The following VIT variants were observed in gnomAD, a reference collection of about 807,000 sequenced individuals.
VIT encodes the protein vitrin.
VIT carries 99 observed loss-of-function variants against 78.0 expected under a neutral mutation model. The ratio of observed to expected loss-of-function variants is 1.27; its 90% CI spans 1.08 to 1.50. VIT has a LOEUF of 1.50. Ranked by LOEUF, VIT falls within the 40% of genes most tolerant of loss-of-function variation. The pLI, the probability that VIT is intolerant of heterozygous loss-of-function variation, is 0.00. For missense variants in VIT, 1,126 were observed against 875.3 expected, an observed-to-expected ratio of 1.29 and a Z score of -3.61; for synonymous variants, 374 against 334.3, an observed-to-expected ratio of 1.12 and a Z score of -1.29.
chr2:36,736,863 C>G (rs1296778394), intron 3 of VIT, among the ~76,000 whole-genome samples: 2 of 152,058 alleles, frequency 1.3e-5, no homozygotes, highest in Admixed American at 1.3e-4. Flanking sequence ...CATTTAATAC[C>G]CTGAAAAACC....
chr2:36,775,207 G>A lies in VIT; in HGVS notation c.802+140G>A, dbSNP rs1221388220. ...TCACCAGAGTTTGGGAGCATGCTAA[G>A]ATATTTTAACCTCGAGAAAATGTCT... is the stretch of plus-strand genomic sequence containing the variant. On this transcript the variant is annotated intron_variant, in intron 9 of 15. Transcript: ENST00000379242. 8.6e-6 allele frequency: 8 copies of A among 929,654 alleles called. No homozygotes were observed. The East Asian group carries it at 1.6e-4, about 18-fold the overall frequency. 57.6% of individuals were successfully genotyped at this position (929,654 alleles called of 1,614,324 possible). A position where few individuals can be genotyped will look rare whatever the true frequency, so the allele number is the denominator to read the frequency against.
At chr2:36,765,144 C>G (rs576727305) in intron 6 of VIT, among the ~76,000 whole-genome samples, 2 of 152,058 alleles carry the variant, frequency 1.3e-5, no homozygotes, top group Admixed American at 6.6e-5. Context: ...GAGATCGTGA[C>G]GGGGCGGTTA....
At chr2:36,726,483 A>C (rs1439165118) in intron 2 of VIT, among the ~76,000 whole-genome samples, 1 of 152,236 alleles carries the variant, frequency 6.6e-6, no homozygotes, top group Non-Finnish European at 1.5e-5. Context: ...TTTTCTACAA[A>C]GAACATGATT....
At chr2:36,726,127 A>C (rs950691050) in intron 2 of VIT, among the ~76,000 whole-genome samples, 1 of 152,120 alleles carries the variant, frequency 6.6e-6, no homozygotes, top group Non-Finnish European at 1.5e-5. Flanking sequence ...ATTTTAAGTG[A>C]GCATACATTT....
At chr2:36,814,032 T>C in intron 15 of VIT, 151 bp from the exon 16 acceptor site, 1 of 826,574 alleles carries the variant, frequency 1.2e-6, no homozygotes, top group Non-Finnish European at 1.8e-6. Flanking sequence ...TCTGGAAACC[T>C]AGAGGCCTGT....
chr2:36,710,389 T>C (rs1352286612), intron 1 of VIT, among the ~76,000 whole-genome samples: 1 of 152,180 alleles, frequency 6.6e-6, no homozygotes, highest in African/African-American at 2.4e-5. Flanking sequence ...TCCTACTCTC[T>C]AGGCATGAAG....
chr2:36,779,914 C>CA (rs1250552364), intron 9 of VIT, among the ~76,000 whole-genome samples: 10 of 150,770 alleles, frequency 6.6e-5, no homozygotes, highest in African/African-American at 2.4e-4. Context: ...CCCTACACTG[C>CA]AAAAAACTGG....
intron 9 of VIT, among the ~76,000 whole-genome samples, chr2:36,778,705 C>A (rs1670218814): frequency 6.6e-6 from 1 of 152,198 alleles, no homozygotes; most frequent in South Asian, 2.1e-4. Flanking sequence ...CATGGCGACA[C>A]CCTGGGCACA....
chr2:36,748,768 A>G (rs182712845), intron 4 of VIT, among the ~76,000 whole-genome samples: 4 of 152,332 alleles, frequency 2.6e-5, no homozygotes, highest in Admixed American at 6.5e-5. Flanking sequence ...GCACTCAGCA[A>G]CTTCGTGCAA....
chr2:36,805,434 C>T lies in VIT; in HGVS notation c.1163-4C>T. The T allele has an allele frequency of 1.3e-6, 2 of 1,592,626 alleles. No individual in the cohort carries two copies. On this transcript the variant is annotated splice_polypyrimidine_tract_variant and splice_region_variant and intron_variant, in intron 13 of 15. Transcript: ENST00000379242. ...TCCAAGCATGAATTTTCTTTTTCTTCCAGGTCGGGCCATCTCCTTTGTGAC... is the reference window on the plus strand; with the variant it reads ...TCCAAGCATGAATTTTCTTTTTCTTTCAGGTCGGGCCATCTCCTTTGTGAC...
At chr2:36,770,006 C>T (rs1357311829) in intron 7 of VIT, among the ~76,000 whole-genome samples, 1 of 152,162 alleles carries the variant, frequency 6.6e-6, no homozygotes, top group African/African-American at 2.4e-5. Flanking sequence ...AGCAAATCTC[C>T]TTATACTGTG....
chr2:36,712,114 A>G (rs1665839275), intron 1 of VIT, among the ~76,000 whole-genome samples: 2 of 151,900 alleles, frequency 1.3e-5, no homozygotes, highest in Admixed American at 1.3e-4. Flanking sequence ...GGCAGTCCTC[A>G]TGCTCAGCCT....
chr2:36,700,713 G>T (rs1483826824), intron 1 of VIT, among the ~76,000 whole-genome samples: 1 of 151,554 alleles, frequency 6.6e-6, no homozygotes, highest in Non-Finnish European at 1.5e-5. Context: ...TCCAGCCTGG[G>T]TGACACAGCA....
chr2:36,808,745 A>C lies in VIT; in HGVS notation c.1663A>C (p.Thr555Pro), dbSNP rs547660854. Reference protein sequence around the residue: ...TDTRIGAVQYTYEQRLEFGFD... With the variant: ...TDTRIGAVQYPYEQRLEFGFD... ...CACGCGCATCGGGGCCGTGCAGTAC[A>C]CCTACGAACAGCGGCTGGAGTTTGG... The change falls in exon 15 of 16, where the codon ACC becomes CCC. Residue 555 changes from threonine to proline, a missense_variant. Coordinates refer to ENST00000379242, the MANE Select transcript of VIT (RefSeq NM_053276.4). The C allele has an allele frequency of 1.1e-5, 18 of 1,613,948 alleles. No homozygotes were observed. Among genetic ancestry groups the C allele is most frequent in the Non-Finnish European group, 1.5e-5 (18 of 1,179,956 alleles).
At chr2:36,792,844 C>T (rs1432491827) in intron 12 of VIT, among the ~76,000 whole-genome samples, 1 of 152,124 alleles carries the variant, frequency 6.6e-6, no homozygotes, top group African/African-American at 2.4e-5. Flanking sequence ...TTTCATTTCC[C>T]TTCTCTAGAC....
chr2:36,808,303 C>G (rs1403231319), intron 14 of VIT, among the ~76,000 whole-genome samples, 169 bp from the exon 15 acceptor site: 2 of 152,226 alleles, frequency 1.3e-5, no homozygotes, highest in Non-Finnish European at 2.9e-5. Flanking sequence ...GGGGCTTCGC[C>G]TCAGTGAGTG....
chr2:36,787,084 C>G, intron 11 of VIT, 45 bp from the exon 12 acceptor site: 1 of 1,608,550 alleles, frequency 6.2e-7, no homozygotes, highest in East Asian at 2.2e-5. Flanking sequence ...CAGGTAAATG[C>G]AGTGAGAGAT....
At chr2:36,753,617 T>C (rs1194529371) in intron 4 of VIT, among the ~76,000 whole-genome samples, 1 of 151,972 alleles carries the variant, frequency 6.6e-6, no homozygotes, top group African/African-American at 2.4e-5. Flanking sequence ...AAGGAGAAAT[T>C]GGGAACTCAC....
intron 1 of VIT, among the ~76,000 whole-genome samples, chr2:36,699,516 T>TTATATATATA (rs1553357624): frequency 2.0e-5 from 3 of 148,848 alleles, no homozygotes; most frequent in Admixed American, 1.3e-4. Context: ...TTAGAGGGGG[T>TTATATATATA]TATATATATA....
Sources: gnomAD v4.1 joint callset for allele counts (sites outside exome capture counted in the v4.1 genomes callset) on GRCh38, gnomAD v4.1.1 for gene constraint, MANE v1.5 for transcripts, NCBI Gene and HGNC (gene_info 2026-07-23, HGNC 2026-07-21) for gene names.